The following STXBP5 variants were observed in gnomAD, a reference collection of about 807,000 sequenced individuals.
The protein encoded by STXBP5 is syntaxin binding protein 5.
In STXBP5, 50 loss-of-function variants were observed where a neutral mutation model predicts 152.4. The ratio of observed to expected loss-of-function variants is 0.33; its 90% CI spans 0.26 to 0.42. The LOEUF (loss-of-function observed/expected upper bound fraction) is 0.42. Among genes scored for constraint, STXBP5 ranks in the 10% least tolerant of loss-of-function variants. STXBP5 has a pLI of 1.00. For synonymous variants in STXBP5, 492 were observed against 494.7 expected, an observed-to-expected ratio of 0.99 and a Z score of 0.07; for missense variants, 1,167 against 1,388.6, an observed-to-expected ratio of 0.84 and a Z score of 2.54.
chr6:147,327,069 C>T, intron 17 of STXBP5, 56 bp from the exon 18 acceptor site: 18 of 1,532,746 alleles, frequency 1.2e-5, no homozygotes, highest in Non-Finnish European at 1.6e-5. Flanking sequence ...GACTGTAGTA[C>T]ATTTTTTTGG....
intron 26 of STXBP5, among the ~76,000 whole-genome samples, chr6:147,379,937 T>C (rs1296355319): frequency 6.6e-6 from 1 of 152,058 alleles, no homozygotes; most frequent in Non-Finnish European, 1.5e-5. Flanking sequence ...CAAAGAAGTA[T>C]AAGACATGTA....
rs778832940 is a variant in STXBP5, at chr6:147,219,441, A to G, written c.248+13373A>G. On this transcript the variant is annotated intron_variant, in intron 2 of 27. Coordinates refer to ENST00000321680, the MANE Select transcript of STXBP5 (RefSeq NM_001127715.4). ...TAATGCTGGGCTCATAAAATGAGTT[A>G]GGATATATTTCCTCTGCCTTTATCT... 8.2e-4 allele frequency among the ~76,000 whole-genome samples: 125 copies of G among 152,280 alleles called. 1 individual carries two copies. Among genetic ancestry groups the G allele is most frequent in the Non-Finnish European group, 1.9e-4 (13 of 68,018 alleles).
In STXBP5 at chr6:147,386,988, A is replaced by G. The variant is rs961353790; in HGVS notation, c.*2233A>G. The G allele has an allele frequency of 6.6e-6, 1 of 151,842 alleles. No homozygotes were observed. Among genetic ancestry groups the G allele is most frequent in the African/African-American group, 2.4e-5 (1 of 41,438 alleles). The allele number at this position is 151,842 out of a possible 1,614,324, so 9.4% of individuals were successfully genotyped here. ...ACTAATCTTGTAATTATTTTCAAAT[A>G]TAGAAGTATATACATTAGATGGATT... On this transcript the variant is annotated 3_prime_UTR_variant, in exon 28 of 28. Coordinates refer to ENST00000321680, the MANE Select transcript of STXBP5 (RefSeq NM_001127715.4).
Position 147,339,336 on chromosome 6 carries a change from G to A in STXBP5, c.2207-1G>A, listed in dbSNP as rs911505238. On this transcript the variant is annotated splice_acceptor_variant, in intron 20 of 27. Coordinates refer to ENST00000321680, the MANE Select transcript of STXBP5 (RefSeq NM_001127715.4). LOFTEE classifies it high-confidence loss of function. ...ATTTTATATCAAAATATTGTTTTCAGTGAAGACCAAAAGCAGAAAGTTTTC... is the reference window on the plus strand; with the variant it reads ...ATTTTATATCAAAATATTGTTTTCAATGAAGACCAAAAGCAGAAAGTTTTC... The A allele has an allele frequency of 5.3e-6, 8 of 1,508,542 alleles. No homozygotes were observed. In the African/African-American group the frequency reaches 1.0e-4, roughly 19 times the overall value. The allele number at this position is 1,508,542 out of a possible 1,614,324, so 93.4% of individuals were successfully genotyped here. A position where few individuals can be genotyped will look rare whatever the true frequency, so the allele number is the denominator to read the frequency against.
At chr6:147,347,280 G>A (rs1199644361) in intron 21 of STXBP5, among the ~76,000 whole-genome samples, 1 of 152,086 alleles carries the variant, frequency 6.6e-6, no homozygotes, top group African/African-American at 2.4e-5. Flanking sequence ...AAATAATAGA[G>A]GTAAAGAGTT....
chr6:147,349,517 A>G (rs903277296), intron 21 of STXBP5, among the ~76,000 whole-genome samples: 3 of 152,224 alleles, frequency 2.0e-5, no homozygotes, highest in Admixed American at 6.5e-5. Context: ...ACTGTTAACC[A>G]AAAAAGAAAT....
intron 26 of STXBP5, among the ~76,000 whole-genome samples, chr6:147,379,340 T>C (rs1307880935): frequency 2.0e-5 from 3 of 151,102 alleles, no homozygotes; most frequent in Non-Finnish European, 4.5e-5. Context: ...TATCTAGAAA[T>C]AAATCTTAAG....
intron 6 of STXBP5, among the ~76,000 whole-genome samples, chr6:147,264,651 A>G (rs935738010): frequency 9.2e-5 from 14 of 152,132 alleles, no homozygotes; most frequent in Admixed American, 1.3e-4. Context: ...GAAAAATTAG[A>G]CGGGAATTAG....
chr6:147,291,577 G>A (rs1387974460), intron 9 of STXBP5, among the ~76,000 whole-genome samples: 1 of 152,016 alleles, frequency 6.6e-6, no homozygotes, highest in East Asian at 1.9e-4. Context: ...AATCTTATAT[G>A]AGTATCTGCC....
chr6:147,381,938 T>G (rs1786105489), intron 26 of STXBP5, among the ~76,000 whole-genome samples: 1 of 152,154 alleles, frequency 6.6e-6, no homozygotes, highest in Non-Finnish European at 1.5e-5. Context: ...GATGAGATGC[T>G]CTGGTATTCA....
At chr6:147,329,748 C>A (rs139625759) in intron 18 of STXBP5, among the ~76,000 whole-genome samples, 5,032 of 151,212 alleles carry the variant, frequency 0.033, 286 homozygotes, top group East Asian at 0.27. Context: ...GCCTCAGCCT[C>A]CCGAGTAGCT....
At chr6:147,363,778 A>G in intron 24 of STXBP5, 74 bp downstream of exon 24, 1 of 1,516,458 alleles carries the variant, frequency 6.6e-7, no homozygotes, top group Non-Finnish European at 8.8e-7. Context: ...ATTGTTTAAA[A>G]GAAATGCTTT....
chr6:147,255,039 T>C (rs1399453238), intron 4 of STXBP5, among the ~76,000 whole-genome samples: 1 of 152,248 alleles, frequency 6.6e-6, no homozygotes, highest in African/African-American at 2.4e-5. Flanking sequence ...GCAGTACTAT[T>C]CACAATAGTA....
rs1786507202 is a variant in STXBP5 at position 147,389,799 on chromosome 6, C to T, written c.*5044C>T. 1 of 151,324 alleles carries T rather than the reference C, an allele frequency of 6.6e-6. No homozygotes were observed. The highest frequency in any genetic ancestry group is 1.5e-5 in the Non-Finnish European group (1 of 67,734). The allele number at this position is 151,324 out of a possible 1,614,324, so 9.4% of individuals were successfully genotyped here. A position where few individuals can be genotyped will look rare whatever the true frequency, so the allele number is the denominator to read the frequency against. On this transcript the variant is annotated 3_prime_UTR_variant, in exon 28 of 28. Coordinates refer to ENST00000321680, the MANE Select transcript of STXBP5 (RefSeq NM_001127715.4). The stretch of plus-strand genomic sequence containing the variant: ...ATCAACATAGCAATGGAAAGCAATG[C>T]AAAGAGGGTAAATCTTGTTTTAATT...
rs1786488793 is a variant in STXBP5, at chr6:147,389,419, A to G, written c.*4664A>G. The G allele has an allele frequency of 6.6e-6, 1 of 151,854 alleles. No individual in the cohort carries two copies. Among genetic ancestry groups the G allele is most frequent in the Non-Finnish European group, 1.5e-5 (1 of 67,782 alleles). The allele number at this position is 151,854 out of a possible 1,614,324, so 9.4% of individuals were successfully genotyped here. A position where few individuals can be genotyped will look rare whatever the true frequency, so the allele number is the denominator to read the frequency against. ...TTCAGTTATTAATACAGTCAAATTA[A>G]TTTTAACAATATAGGCACAATTCAT... On this transcript the variant is annotated 3_prime_UTR_variant, in exon 28 of 28. Coordinates refer to ENST00000321680, the MANE Select transcript of STXBP5 (RefSeq NM_001127715.4).
intron 25 of STXBP5, among the ~76,000 whole-genome samples, chr6:147,373,179 C>T (rs1785640444): frequency 6.6e-6 from 1 of 151,768 alleles, no homozygotes; most frequent in Non-Finnish European, 1.5e-5. Context: ...TCAGCCTGGC[C>T]AACATGGCGC....
rs1410663649 is a variant in STXBP5, at chr6:147,260,687, T to G, written c.504T>G (p.Ile168Met). The change falls in exon 5 of 28, where the codon ATT (isoleucine) becomes ATG (methionine). Residue 168 changes from isoleucine to methionine, a missense_variant. Ile to Met is a conservative substitution (Grantham distance 10). Around this residue, in one of 3 missense-constraint regions of STXBP5, gnomAD observed 310 missense variants for 346.1 expected, o/e 0.90. Transcript: ENST00000321680. ...YVGTERGNIH[I>M]VNVESFTLSG... ...GCACTGAACGAGGTAATATACATAT[T>G]GTCAATGTGGAGTCCTTCACACTCT... 6.2e-7 allele frequency: 1 copy of G among 1,613,752 alleles called. No individual in the cohort carries two copies. The highest frequency in any genetic ancestry group is 1.7e-5 in the Admixed American group (1 of 59,986).
intron 14 of STXBP5, among the ~76,000 whole-genome samples, chr6:147,315,248 T>G (rs1782584809): frequency 6.6e-6 from 1 of 152,168 alleles, no homozygotes; most frequent in East Asian, 1.9e-4. Flanking sequence ...TTCCAAAATG[T>G]TTTTATTACT....
Position 147,363,481 on chromosome 6 carries a change from C to A in STXBP5, c.2692C>A (p.Pro898Thr). The A allele has an allele frequency of 6.2e-7, 1 of 1,614,086 alleles. No homozygotes were observed. The change falls in exon 24 of 28, where the codon CCT becomes ACT. Residue 898 changes from proline to threonine, a missense_variant. By Grantham distance (38) the Pro-to-Thr change is conservative (BLOSUM62 -1). This residue lies in a region of STXBP5 where 833 missense variants were observed against 986.3 expected (regional missense o/e 0.84). Coordinates refer to ENST00000321680, the MANE Select transcript of STXBP5 (RefSeq NM_001127715.4). ...AAAGGAGAAATTGAAAAAACGGCGG[C>A]CTGTCTCAGTATCCCCCTCCTCTTC... ...DEKEKLKKRR[P>T]VSVSPSSSQE...
Sources: gnomAD v4.1 joint callset for allele counts (sites outside exome capture counted in the v4.1 genomes callset) on GRCh38, gnomAD v4.1.1 for gene constraint, gnomAD v4.1.1 regional missense constraint, MANE v1.5 for transcripts, NCBI Gene and HGNC (gene_info 2026-07-23, HGNC 2026-07-21) for gene names.